The following PDGFD variants were observed in gnomAD, a reference collection of about 807,000 sequenced individuals.
The protein encoded by PDGFD is platelet-derived growth factor D.
A neutral mutation model predicts 44.7 loss-of-function variants in PDGFD; 30 were observed. That is an observed-to-expected ratio of 0.67 (90% CI 0.50 to 0.91). The LOEUF (loss-of-function observed/expected upper bound fraction) is 0.91. Among genes scored for constraint, PDGFD ranks in the 40% least tolerant of loss-of-function variants. The pLI, the probability that PDGFD is intolerant of heterozygous loss-of-function variation, is 0.00. For missense variants in PDGFD, 445 were observed against 457.8 expected (o/e 0.97, Z 0.25); for synonymous variants, 173 against 168.4 (o/e 1.03, Z -0.21).
At chr11:104,045,514 T>G (rs1356860698) in intron 1 of PDGFD, among the ~76,000 whole-genome samples, 1 of 151,852 alleles carries the variant, frequency 6.6e-6, no homozygotes, top group African/African-American at 2.4e-5. Context: ...CATCAGAAAA[T>G]GAGAGCATGG....
intron 1 of PDGFD, among the ~76,000 whole-genome samples, chr11:104,061,948 A>AAACTAACTCGTT (rs111606983): frequency 0.76 from 115,442 of 151,904 alleles, 44,633 homozygotes; most frequent in African/African-American, 0.91. Context: ...TACAACTCGA[A>AAACTAACTCGTT]GAAGTTCAAG....
intron 1 of PDGFD, among the ~76,000 whole-genome samples, chr11:104,052,666 G>A (rs1860560852): frequency 6.6e-6 from 1 of 152,146 alleles, no homozygotes; most frequent in South Asian, 2.1e-4. Context: ...GACATGAGCA[G>A]AGGTAGTTGT....
intron 1 of PDGFD, among the ~76,000 whole-genome samples, chr11:104,091,972 G>T (rs1223840161): frequency 6.6e-6 from 1 of 152,130 alleles, no homozygotes; most frequent in Non-Finnish European, 1.5e-5. Context: ...CCTCATACGT[G>T]TGCCTTTCTA....
At chr11:104,102,642 A>G (rs11226155) in intron 1 of PDGFD, among the ~76,000 whole-genome samples, 81,700 of 151,930 alleles carry the variant, frequency 0.54, 23,311 homozygotes, top group East Asian at 0.73. Flanking sequence ...TGTTTATTGC[A>G]GCACTATTCA....
intron 3 of PDGFD, among the ~76,000 whole-genome samples, chr11:103,950,571 A>AAAATAAATAAAT (rs112585777): frequency 0.095 from 13,883 of 146,166 alleles, 1,048 homozygotes; most frequent in African/African-American, 0.21. Flanking sequence ...CTCAAAAGAA[A>AAAATAAATAAAT]AAATAAATAA....
At chr11:104,036,676 T>A in intron 1 of PDGFD, 2 of 663,838 alleles carry the variant, frequency 3.0e-6, no homozygotes, top group South Asian at 3.6e-5. Flanking sequence ...CAGATGAGTG[T>A]CCGCGCCTCT....
At chr11:103,969,805 A>C (rs1259448753) in intron 3 of PDGFD, among the ~76,000 whole-genome samples, 1 of 152,080 alleles carries the variant, frequency 6.6e-6, no homozygotes, top group East Asian at 1.9e-4. Flanking sequence ...AATGAAAACA[A>C]AATAAAAACA....
intron 1 of PDGFD, among the ~76,000 whole-genome samples, chr11:104,000,580 T>TG (rs59192937): frequency 0.62 from 94,507 of 151,296 alleles, 29,639 homozygotes; most frequent in Admixed American, 0.7. Context: ...TTCTGCCTTC[T>TG]ATTAAACAAA....
intron 3 of PDGFD, among the ~76,000 whole-genome samples, chr11:103,972,491 G>GTTGGGC (rs2134345196): frequency 6.6e-6 from 1 of 152,256 alleles, no homozygotes; most frequent in African/African-American, 2.4e-5. Flanking sequence ...CTGCAAGAAA[G>GTTGGGC]TTGGGCTGGT....
intron 1 of PDGFD, among the ~76,000 whole-genome samples, chr11:104,003,724 A>T (rs1218343105): frequency 6.6e-6 from 1 of 152,172 alleles, no homozygotes; most frequent in Non-Finnish European, 1.5e-5. Context: ...GGGGTTACAG[A>T]GCTAGCTGAG....
intron 3 of PDGFD, among the ~76,000 whole-genome samples, chr11:103,982,372 A>C (rs1291560964): frequency 6.6e-6 from 1 of 151,834 alleles, no homozygotes; most frequent in East Asian, 1.9e-4. Flanking sequence ...AGCGCAATGC[A>C]CAGTAATAGA....
chr11:103,930,656 T>C (rs1306740741), intron 5 of PDGFD, among the ~76,000 whole-genome samples: 1 of 151,922 alleles, frequency 6.6e-6, no homozygotes, highest in Non-Finnish European at 1.5e-5. Flanking sequence ...GAGCCCAGTG[T>C]AAAGATTTGA....
At chr11:104,135,270 C>CA (rs1388368727) in intron 1 of PDGFD, among the ~76,000 whole-genome samples, 3 of 152,158 alleles carry the variant, frequency 2.0e-5, no homozygotes, top group Non-Finnish European at 4.4e-5. Flanking sequence ...GAAAGTAAGC[C>CA]AAAAGGCCTG....
At chr11:103,989,830 G>T (rs1022901343) in intron 3 of PDGFD, among the ~76,000 whole-genome samples, 1 of 151,996 alleles carries the variant, frequency 6.6e-6, no homozygotes, top group Admixed American at 6.6e-5. Flanking sequence ...TTTTTATTGA[G>T]CACCTTTTAT....
intron 6 of PDGFD, among the ~76,000 whole-genome samples, chr11:103,920,493 G>A (rs1310817637): frequency 1.3e-5 from 2 of 152,228 alleles, no homozygotes; most frequent in African/African-American, 4.8e-5. Context: ...TGTCTGCTTG[G>A]GGAGTACCTT....
chr11:104,067,510 C>T (rs895848931), intron 1 of PDGFD, among the ~76,000 whole-genome samples: 2 of 152,116 alleles, frequency 1.3e-5, no homozygotes, highest in Non-Finnish European at 2.9e-5. Context: ...CACATAATTT[C>T]TCACACATAT....
intron 1 of PDGFD, among the ~76,000 whole-genome samples, chr11:104,140,916 T>G (rs1471402502): frequency 6.6e-6 from 1 of 152,248 alleles, no homozygotes; most frequent in African/African-American, 2.4e-5. Context: ...TAAGCTTTTG[T>G]GAGGTCTTAC....
At chr11:103,910,292 C>T (rs1858007611) in intron 6 of PDGFD, among the ~76,000 whole-genome samples, 1 of 152,110 alleles carries the variant, frequency 6.6e-6, no homozygotes, top group Non-Finnish European at 1.5e-5. Context: ...AACATGTTGC[C>T]CTGGAGTTGC....
At chr11:103,912,126 G>A (rs905974066) in intron 6 of PDGFD, among the ~76,000 whole-genome samples, 1 of 152,094 alleles carries the variant, frequency 6.6e-6, no homozygotes, top group Non-Finnish European at 1.5e-5. Flanking sequence ...GAAATATGGA[G>A]AACACCATAA....
Sources: allele counts gnomAD v4.1 joint callset (sites outside exome capture counted in the v4.1 genomes callset), GRCh38; gene constraint gnomAD v4.1.1; transcripts MANE v1.5; gene names NCBI Gene and HGNC (gene_info 2026-07-23, HGNC 2026-07-21).